Variants in GPD1L observed in about 807,000 individuals in gnomAD.
GPD1L encodes glycerol-3-phosphate dehydrogenase 1 like, also known as glycerol-3-phosphate dehydrogenase 1-like protein.
A neutral mutation model predicts 32.9 loss-of-function variants in GPD1L; 17 were observed. The observed-to-expected ratio is 0.52, with a 90% CI of 0.35 to 0.78. The LOEUF is 0.78. Among genes scored for constraint, GPD1L ranks in the 30% least tolerant of loss-of-function variants. GPD1L has a pLI of 0.01. For missense variants in GPD1L, 361 were observed against 447.8 expected (o/e 0.81, Z 1.75); for synonymous variants, 187 against 165.9 (o/e 1.13, Z -0.98).
At chr3:32,124,745 G>C (rs1189661882) in intron 1 of GPD1L, among the ~76,000 whole-genome samples, 1 of 152,078 alleles carries the variant, frequency 6.6e-6, no homozygotes, top group East Asian at 1.9e-4. Context: ...GGGCAACATA[G>C]AGAGATTTCA....
chr3:32,120,021 G>A (rs570504053), intron 1 of GPD1L, among the ~76,000 whole-genome samples: 6 of 152,272 alleles, frequency 3.9e-5, no homozygotes, highest in Admixed American at 1.3e-4. Flanking sequence ...AATTAAGTGC[G>A]AAGGTTAAAA....
At chr3:32,117,008 C>T (rs1261616941) in intron 1 of GPD1L, among the ~76,000 whole-genome samples, 7 of 152,176 alleles carry the variant, frequency 4.6e-5, no homozygotes, top group African/African-American at 7.2e-5. Flanking sequence ...TGTGGCTATT[C>T]GGACTACATT....
chr3:32,148,070 G>T (rs1451057489), intron 5 of GPD1L, among the ~76,000 whole-genome samples: 1 of 152,176 alleles, frequency 6.6e-6, no homozygotes, highest in Non-Finnish European at 1.5e-5. Context: ...ATTTTTGTTG[G>T]TTGAGATTTT....
chr3:32,156,313 A>T (rs994479382), intron 5 of GPD1L, among the ~76,000 whole-genome samples: 11 of 152,352 alleles, frequency 7.2e-5, no homozygotes, highest in African/African-American at 2.2e-4. Context: ...TTACGAAGAC[A>T]TATGCACTTG....
chr3:32,128,269 G>A lies in GPD1L; in HGVS notation c.225+16G>A. Reference sequence around the variant, plus strand: ...AGAAAATGTGGTAAGACTTTGGGGTGAAATGTACATTGGTTCATTCTGCAA... The same window carrying A: ...AGAAAATGTGGTAAGACTTTGGGGTAAAATGTACATTGGTTCATTCTGCAA... On this transcript the variant is annotated intron_variant, in intron 2 of 7. Coordinates refer to ENST00000282541, the MANE Select transcript of GPD1L (RefSeq NM_015141.4). The A allele has an allele frequency of 6.2e-7, 1 of 1,606,428 alleles. No homozygotes were observed. The highest frequency in any genetic ancestry group is 8.5e-7 in the Non-Finnish European group (1 of 1,173,214).
intron 5 of GPD1L, chr3:32,151,166 A>C: frequency 3.5e-6 from 2 of 575,200 alleles, no homozygotes; most frequent in Non-Finnish European, 6.8e-6. Flanking sequence ...CTCTGGGTGG[A>C]GCAGGCTGGT....
At position 32,168,531 on chromosome 3, in the gene GPD1L, C is replaced by CCT. The variant is rs2125503001; in HGVS notation, c.*2622_*2623insTC. ...TTTAACTTTTGACTACAGCATGGCC[C>CCT]CATGGCATCCACACCAAGAGGGTGT... On this transcript the variant is annotated 3_prime_UTR_variant, in exon 8 of 8. Transcript: ENST00000282541. 1 of 152,746 alleles carries CCT rather than the reference C, an allele frequency of 6.5e-6. No homozygotes were observed. The highest frequency in any genetic ancestry group is 1.5e-5 in the Non-Finnish European group (1 of 68,046). The allele number at this position is 152,746 out of a possible 1,614,324, so 9.5% of individuals were successfully genotyped here. A position where few individuals can be genotyped will look rare whatever the true frequency, so the allele number is the denominator to read the frequency against.
At chr3:32,158,487 C>T (rs561808090) in intron 5 of GPD1L, 9 of 316,610 alleles carry the variant, frequency 2.8e-5, no homozygotes, top group East Asian at 8.4e-5. Context: ...TTCTTCAATC[C>T]GTGCACTTAG....
At chr3:32,144,692 G>C (rs1187214502) in intron 4 of GPD1L, among the ~76,000 whole-genome samples, 1 of 151,674 alleles carries the variant, frequency 6.6e-6, no homozygotes. Flanking sequence ...TGTTGTTGTT[G>C]TTGTTGTTTT....
Position 32,146,689 on chromosome 3 carries a change from C to G in GPD1L, c.573C>G (p.Thr191=), listed in dbSNP as rs72558073. 1,720 of 1,613,334 alleles carry G rather than the reference C, an allele frequency of 1.1e-3. 13 individuals carry two copies. The African/African-American group carries it at 0.02, about 19-fold the overall frequency. The change falls in exon 5 of 8, where the codon ACC becomes ACG. Residue 191 remains threonine, a synonymous_variant. Coordinates refer to ENST00000282541, the MANE Select transcript of GPD1L (RefSeq NM_015141.4). ...TGCAGACTCCAAATTTTCGAATTAC[C>G]GTGGTTGATGATGCAGACACTGTTG... The part of the protein sequence containing the change: ...ELLQTPNFRI[T]VVDDADTVEL...
intron 4 of GPD1L, among the ~76,000 whole-genome samples, chr3:32,145,635 C>T (rs1321485870): frequency 1.3e-5 from 2 of 152,086 alleles, no homozygotes; most frequent in African/African-American, 4.8e-5. Flanking sequence ...AGGCACTGAG[C>T]AGTGGGAGGA....
chr3:32,158,723 C>G (rs1400766508), intron 5 of GPD1L, 153 bp from the exon 6 acceptor site: 1 of 1,500,720 alleles, frequency 6.7e-7, no homozygotes, highest in East Asian at 2.5e-5. Flanking sequence ...CTCTTTCACC[C>G]AGGTGTACAA....
At chr3:32,133,028 A>ACT (rs1559574705) in intron 2 of GPD1L, among the ~76,000 whole-genome samples, 1 of 152,162 alleles carries the variant, frequency 6.6e-6, no homozygotes, top group African/African-American at 2.4e-5. Context: ...AGCCTCTACT[A>ACT]TGTCCCAAGT....
chr3:32,124,845 C>G (rs927289280), intron 1 of GPD1L, among the ~76,000 whole-genome samples: 2 of 152,106 alleles, frequency 1.3e-5, no homozygotes, highest in African/African-American at 4.8e-5. Context: ...TTCCCTTGAG[C>G]CTGGGAGGTC....
chr3:32,107,507 G>A (rs1351608575), intron 1 of GPD1L, among the ~76,000 whole-genome samples: 2 of 152,198 alleles, frequency 1.3e-5, no homozygotes, highest in African/African-American at 4.8e-5. Flanking sequence ...ATGTAGAGGT[G>A]GGGGTGTGAA....
chr3:32,130,544 C>T (rs947566980), intron 2 of GPD1L, among the ~76,000 whole-genome samples: 1 of 152,174 alleles, frequency 6.6e-6, no homozygotes, highest in African/African-American at 2.4e-5. Flanking sequence ...CCCAGGTCCA[C>T]ACTCATCATG....
At chr3:32,138,494 A>T in intron 2 of GPD1L, 93 bp from the exon 3 acceptor site, 1 of 1,116,826 alleles carries the variant, frequency 9.0e-7, no homozygotes, top group Non-Finnish European at 1.4e-6. Flanking sequence ...TGCACATAGT[A>T]GGCATCTGAT....
chr3:32,125,623 A>G (rs1169671235), intron 1 of GPD1L, among the ~76,000 whole-genome samples: 1 of 152,186 alleles, frequency 6.6e-6, no homozygotes, highest in African/African-American at 2.4e-5. Flanking sequence ...ATTGAAGTCC[A>G]CTGCAGTTTA....
At chr3:32,137,606 G>A (rs1271504051) in intron 2 of GPD1L, among the ~76,000 whole-genome samples, 1 of 152,190 alleles carries the variant, frequency 6.6e-6, no homozygotes, top group Non-Finnish European at 1.5e-5. Context: ...GCATTCAGGA[G>A]CCCAGCTTGA....
Sources: gnomAD v4.1 joint callset for allele counts (sites outside exome capture counted in the v4.1 genomes callset) on GRCh38, gnomAD v4.1.1 for gene constraint, MANE v1.5 for transcripts, NCBI Gene and HGNC (gene_info 2026-07-23, HGNC 2026-07-21) for gene names.